ARAP2: variants seen among roughly 807,000 people sequenced by gnomAD.
The protein encoded by ARAP2 is arf-GAP with Rho-GAP domain, ANK repeat and PH domain-containing protein 2.
Under a neutral mutation model 194.5 loss-of-function variants are expected in ARAP2, and 148 were observed. That is an observed-to-expected ratio of 0.76 (90% CI 0.67 to 0.87). The LOEUF is 0.87. ARAP2 is among the 40% of genes least tolerant of loss of function. The pLI is 0.00. For synonymous variants in ARAP2, 695 were observed against 683.5 expected, an observed-to-expected ratio of 1.02 and a Z score of -0.26; for missense variants, 2,128 against 1,989.7, an observed-to-expected ratio of 1.07 and a Z score of -1.32.
intron 5 of ARAP2, among the ~76,000 whole-genome samples, chr4:36,024,602 A>T (rs186684369): frequency 3.9e-5 from 6 of 152,276 alleles, no homozygotes; most frequent in Admixed American, 6.5e-5. Context: ...CACCAAATTC[A>T]TACACTTTCT....
intron 28 of ARAP2, among the ~76,000 whole-genome samples, chr4:36,085,028 G>A (rs1245917761): frequency 2.0e-5 from 3 of 152,018 alleles, no homozygotes; most frequent in African/African-American, 7.2e-5. Context: ...AATGTTAAGT[G>A]TGAGCGTGTA....
intron 19 of ARAP2, among the ~76,000 whole-genome samples, chr4:36,134,735 T>TACAC (rs71199697): frequency 0.057 from 8,513 of 148,070 alleles, 332 homozygotes; most frequent in African/African-American, 0.093. Flanking sequence ...CACACACAAA[T>TACAC]ACACACACAC....
At chr4:36,156,073 G>T (rs1311003891) in intron 15 of ARAP2, among the ~76,000 whole-genome samples, 1 of 151,892 alleles carries the variant, frequency 6.6e-6, no homozygotes, top group Non-Finnish European at 1.5e-5. Flanking sequence ...CTTGAGGTTA[G>T]GAGTTCGAGA....
chr4:36,028,557 T>C (rs1427194892), intron 5 of ARAP2, among the ~76,000 whole-genome samples: 1 of 151,904 alleles, frequency 6.6e-6, no homozygotes, highest in Non-Finnish European at 1.5e-5. Flanking sequence ...ATTTGTAAAT[T>C]TGTACTTTTT....
chr4:36,139,419 A>G (rs773926203), intron 19 of ARAP2, among the ~76,000 whole-genome samples: 8 of 151,564 alleles, frequency 5.3e-5, no homozygotes, highest in Non-Finnish European at 1.2e-4. Context: ...AGTTTTATCA[A>G]TTTTCTTAAC....
chr4:36,114,287 T>C lies in ARAP2; in HGVS notation c.4039A>G (p.Ile1347Val), dbSNP rs1315557790. 7 of 1,546,200 alleles carry C rather than the reference T, an allele frequency of 4.5e-6. No homozygotes were observed. Among genetic ancestry groups the C allele is most frequent in the Admixed American group, 1.8e-5 (1 of 55,156 alleles). Residue 1347 changes from isoleucine (I) to valine (V), a missense_variant and splice_region_variant, in exon 26 of 33, where the codon ATA becomes GTA. Coordinates refer to ENST00000303965, the MANE Select transcript of ARAP2 (RefSeq NM_015230.4). Reference sequence around the variant, plus strand: ...TCTTCTGCTTCCATCACAGGAGATATCTGTAAGAGAAGTAATATTTTTTCA... The same window carrying C: ...TCTTCTGCTTCCATCACAGGAGATACCTGTAAGAGAAGTAATATTTTTTCA... ...KEPDCSIIIR[I>V]SPVMEAEELT...
chr4:36,241,725 TA>T (rs1202497820), intron 1 of ARAP2, among the ~76,000 whole-genome samples: 1 of 152,222 alleles, frequency 6.6e-6, no homozygotes, highest in Non-Finnish European at 1.5e-5. Context: ...AAAAAACACT[TA>T]AATTGTAATG....
chr4:36,210,505 C>T lies in ARAP2; in HGVS notation c.1372G>A (p.Gly458Arg). The change falls in exon 6 of 33, where the codon GGA becomes AGA. Residue 458 changes from glycine (G) to arginine (R), a missense_variant. Physicochemically the swap from Gly to Arg is moderately radical, Grantham distance 125. Transcript: ENST00000303965. ...GAAACGGCTGATGAATCAGCATTTCCACTTGTTGAGCTTAACGGATAACTG... is the reference window on the plus strand; with the variant it reads ...GAAACGGCTGATGAATCAGCATTTCTACTTGTTGAGCTTAACGGATAACTG... ...RHSYPLSSTS[G>R]NADSSAVSSQ... 1 of 1,613,902 alleles carries T rather than the reference C, an allele frequency of 6.2e-7. No homozygotes were observed. The highest frequency in any genetic ancestry group is 8.5e-7 in the Non-Finnish European group (1 of 1,179,858).
chr4:36,080,295 T>A lies in ARAP2; in HGVS notation c.4545-16A>T. The A allele has an allele frequency of 6.2e-7, 1 of 1,604,874 alleles. No homozygotes were observed. Among genetic ancestry groups the A allele is most frequent in the Non-Finnish European group, 8.5e-7 (1 of 1,172,238 alleles). On this transcript the variant is annotated splice_polypyrimidine_tract_variant and intron_variant, in intron 30 of 32. Coordinates refer to ENST00000303965, the MANE Select transcript of ARAP2 (RefSeq NM_015230.4). ...ACACAGGTGCCTGCAAAACGAGGTTTATAAACTATGTCATTCAAAAAGACA... is the reference window on the plus strand; with the variant it reads ...ACACAGGTGCCTGCAAAACGAGGTTAATAAACTATGTCATTCAAAAAGACA...
Position 36,138,745 on chromosome 4 carries a change from G to GTA in ARAP2, c.3264-5358_3264-5357dup, listed in dbSNP as rs575471722. Reference sequence around the variant, plus strand: ...TACCTAGCAGCTCATTTGTTGGGATGTATAGTTAAGTGTAAACCAACTGTA... The same window carrying GTA: ...TACCTAGCAGCTCATTTGTTGGGATGTATATAGTTAAGTGTAAACCAACTGTA... On this transcript the variant is annotated intron_variant, in intron 19 of 32. Coordinates refer to ENST00000303965, the MANE Select transcript of ARAP2 (RefSeq NM_015230.4). Among the ~76,000 whole-genome samples, 17 of 151,752 alleles carry GTA rather than the reference G, an allele frequency of 1.1e-4. No homozygotes were observed. The South Asian group carries it at 3.3e-3, about 30-fold the overall frequency.
chr4:36,062,633 A>AGT (rs10641822), downstream of ARAP2, among the ~76,000 whole-genome samples: 7,140 of 148,108 alleles, frequency 0.048, 260 homozygotes, highest in East Asian at 0.13. Context: ...TTTGTGTGAG[A>AGT]GTGTGTGTGT....
intron 17 of ARAP2, among the ~76,000 whole-genome samples, chr4:36,148,168 A>G (rs1480172060): frequency 1.3e-5 from 2 of 152,186 alleles, no homozygotes; most frequent in Non-Finnish European, 2.9e-5. Flanking sequence ...CCTAACCATC[A>G]AAAACATGGC....
intron 27 of ARAP2, among the ~76,000 whole-genome samples, chr4:36,104,463 T>A (rs1717850504): frequency 6.6e-6 from 1 of 151,944 alleles, no homozygotes; most frequent in South Asian, 2.1e-4. Flanking sequence ...AGGTAGTCGT[T>A]GTGATTGACT....
chr4:36,057,286 G>C (rs1333183664), intron 2 of ARAP2, among the ~76,000 whole-genome samples: 1 of 150,966 alleles, frequency 6.6e-6, no homozygotes, highest in African/African-American at 2.4e-5. Context: ...GTATTCTCTG[G>C]ATGATTTTAA....
Position 36,228,449 on chromosome 4 carries a change from A to T in ARAP2, c.905+133T>A, listed in dbSNP as rs1048589233. 6 of 933,228 alleles carry T rather than the reference A, an allele frequency of 6.4e-6. No individual in the cohort carries two copies. In the South Asian group the frequency reaches 6.6e-5, roughly 10 times the overall value. The allele number at this position is 933,228 out of a possible 1,614,324, so 57.8% of individuals were successfully genotyped here. ...CCAATGGGATGAAGACTTTTTTTTT[A>T]AAAGAAAAGGTTGGTTGAATAGGTA... On this transcript the variant is annotated intron_variant, in intron 2 of 32. Transcript: ENST00000303965.
rs559390031 is a variant in ARAP2 at position 36,121,494 on chromosome 4, TG to T, written c.3747-169del. On this transcript the variant is annotated intron_variant, in intron 22 of 32. Transcript: ENST00000303965. ...GTTCTTTCTTCTAAGTAGCTTATAATGATAGTTAAGAACATCAGAAAAAGTA... is the reference window on the plus strand; with the variant it reads ...GTTCTTTCTTCTAAGTAGCTTATAATATAGTTAAGAACATCAGAAAAAGTA... 5.4e-3 allele frequency among the ~76,000 whole-genome samples: 814 copies of T among 151,912 alleles called. 11 individuals are homozygous for T. Among genetic ancestry groups the T allele is most frequent in the African/African-American group, 0.018 (767 of 41,530 alleles).
chr4:36,084,997 C>T (rs1254872484), intron 28 of ARAP2, among the ~76,000 whole-genome samples: 2 of 151,986 alleles, frequency 1.3e-5, no homozygotes, highest in African/African-American at 2.4e-5. Context: ...TTTACCCTAT[C>T]AAAAACACTA....
chr4:36,033,727 C>T lies in ARAP2; in HGVS notation n.607+12252G>A, dbSNP rs151296768. Reference sequence around the variant, plus strand: ...TTTATCATGAAATCTTTGCCCATTCCGACATCTAGAATGGTATTAGCTAGG... The same window carrying T: ...TTTATCATGAAATCTTTGCCCATTCTGACATCTAGAATGGTATTAGCTAGG... On this transcript the variant is annotated intron_variant and non_coding_transcript_variant, in intron 5 of 12. Transcript: ENST00000503225. Among the ~76,000 whole-genome samples, 213 of 152,000 alleles carry T rather than the reference C, an allele frequency of 1.4e-3. 1 individual carries two copies. The highest frequency in any genetic ancestry group is 4.6e-3 in the African/African-American group (190 of 41,444).
At chr4:36,167,672 ATCTCCC>A (rs1356950140) in intron 9 of ARAP2, among the ~76,000 whole-genome samples, 9 of 152,112 alleles carry the variant, frequency 5.9e-5, no homozygotes, top group African/African-American at 2.2e-4. Context: ...TATTGCTTTC[ATCTCCC>A]TTCAATCAGA....
Sources: gnomAD v4.1 joint callset for allele counts (sites outside exome capture counted in the v4.1 genomes callset) on GRCh38, gnomAD v4.1.1 for gene constraint, MANE v1.5 for transcripts, NCBI Gene and HGNC (gene_info 2026-07-23, HGNC 2026-07-21) for gene names.